ADGRF5: variants seen among roughly 807,000 people sequenced by gnomAD.
ADGRF5 encodes G-protein coupled receptor 116.
ADGRF5 carries 75 observed loss-of-function variants against 132.3 expected under a neutral mutation model. The observed-to-expected ratio is 0.57, with a 90% confidence interval of 0.47 to 0.69. The LOEUF is 0.69. ADGRF5 is among the 30% of genes least tolerant of loss of function. The pLI, the probability that ADGRF5 is intolerant of heterozygous loss-of-function variation, is 0.00. For synonymous variants in ADGRF5, 629 were observed against 597.6 expected (o/e 1.05, Z -0.77); for missense variants, 1,516 against 1,630.6 (o/e 0.93, Z 1.21).
chr6:46,939,977 G>T (rs1228515102), intron 1 of ADGRF5, among the ~76,000 whole-genome samples: 1 of 151,904 alleles, frequency 6.6e-6, no homozygotes, highest in African/African-American at 2.4e-5. Flanking sequence ...TGAATAACAG[G>T]AGTTTGAATT....
chr6:46,854,625 A>C, intron 20 of ADGRF5: 1 of 697,122 alleles, frequency 1.4e-6, no homozygotes, highest in Non-Finnish European at 2.2e-6. Flanking sequence ...GCAACTGCAC[A>C]GGCTTGTCTG....
At chr6:46,938,837 C>T (rs774637713) in intron 1 of ADGRF5, among the ~76,000 whole-genome samples, 17 of 151,810 alleles carry the variant, frequency 1.1e-4, no homozygotes, top group Non-Finnish European at 2.1e-4. Context: ...AAGCCTCTCC[C>T]CAAAACTAGC....
At chr6:46,919,481 C>G (rs367642280) in intron 1 of ADGRF5, among the ~76,000 whole-genome samples, 37 of 152,266 alleles carry the variant, frequency 2.4e-4, no homozygotes, top group African/African-American at 8.7e-4. Context: ...TAGGAGGAGA[C>G]AGATTAGCCT....
intron 15 of ADGRF5, among the ~76,000 whole-genome samples, chr6:46,861,751 TG>T (rs1769767862): frequency 1.3e-5 from 2 of 152,330 alleles, no homozygotes; most frequent in South Asian, 4.1e-4. Context: ...AAGTATATGC[TG>T]AATGGATAAA....
chr6:46,942,316 G>A (rs1778120751), intron 1 of ADGRF5, among the ~76,000 whole-genome samples: 1 of 152,226 alleles, frequency 6.6e-6, no homozygotes, highest in African/African-American at 2.4e-5. Context: ...CTAGCACTTA[G>A]CGCAGTATCT....
chr6:46,875,505 C>T (rs1282798713), intron 10 of ADGRF5, among the ~76,000 whole-genome samples: 1 of 151,990 alleles, frequency 6.6e-6, no homozygotes, highest in African/African-American at 2.4e-5. Flanking sequence ...AGAGTTGAGG[C>T]CAGGTGTAGT....
At chr6:46,871,043 T>G (rs1771004187) in intron 11 of ADGRF5, among the ~76,000 whole-genome samples, 1 of 151,174 alleles carries the variant, frequency 6.6e-6, no homozygotes, top group Non-Finnish European at 1.5e-5. Flanking sequence ...ATAAACATAA[T>G]CTTGATCTTT....
At chr6:46,950,389 T>A (rs949830682) in intron 1 of ADGRF5, among the ~76,000 whole-genome samples, 1 of 152,236 alleles carries the variant, frequency 6.6e-6, no homozygotes, top group East Asian at 1.9e-4. Context: ...CCTCATGTGC[T>A]CAAGATGTAC....
chr6:46,922,320 C>A (rs1181123147), upstream of ADGRF5, among the ~76,000 whole-genome samples: 1 of 152,170 alleles, frequency 6.6e-6, no homozygotes. Context: ...AAAAAAGAAT[C>A]CGCAGAAGAG....
chr6:46,912,499 C>G lies in ADGRF5; in HGVS notation c.-24-5713G>C, dbSNP rs762726537. On this transcript the variant is annotated intron_variant, in intron 1 of 20. Coordinates refer to ENST00000283296, the MANE Select transcript of ADGRF5 (RefSeq NM_001098518.2). ...GAGCAGGTGAAGGGTACGAGGCAGACGGGGTGAGGTGAGCAGAGGCCAGGA... is the reference window on the plus strand; with the variant it reads ...GAGCAGGTGAAGGGTACGAGGCAGAGGGGGTGAGGTGAGCAGAGGCCAGGA... Among the ~76,000 whole-genome samples the G allele has an allele frequency of 1.3e-5, 2 of 151,838 alleles. 1 individual carries two copies. The highest frequency in any genetic ancestry group is 2.9e-5 in the Non-Finnish European group (2 of 67,992).
intron 1 of ADGRF5, chr6:46,909,226 A>G (rs1483042276): frequency 6.6e-6 from 1 of 152,190 alleles, no homozygotes; most frequent in Non-Finnish European, 1.5e-5. Flanking sequence ...AATTCCCTAA[A>G]AGTTCATATT....
intron 10 of ADGRF5, among the ~76,000 whole-genome samples, chr6:46,874,908 A>G (rs1483774653): frequency 5.9e-5 from 9 of 152,226 alleles, no homozygotes; most frequent in Non-Finnish European, 5.9e-5. Context: ...TGTTACTGGC[A>G]TCTTGTAGGT....
intron 7 of ADGRF5, 44 bp from the exon 8 acceptor site, chr6:46,881,641 G>A: frequency 6.4e-7 from 1 of 1,564,172 alleles, no homozygotes; most frequent in South Asian, 1.1e-5. Flanking sequence ...AACTGACCTG[G>A]AAGAGTCTAG....
At chr6:46,910,444 G>T (rs1380386117) in intron 1 of ADGRF5, among the ~76,000 whole-genome samples, 2 of 152,074 alleles carry the variant, frequency 1.3e-5, no homozygotes, top group Non-Finnish European at 2.9e-5. Context: ...CTGTCTTACT[G>T]GGTGCTCACT....
At chr6:46,871,573 T>C (rs113611969) in intron 11 of ADGRF5, among the ~76,000 whole-genome samples, 90 of 152,260 alleles carry the variant, frequency 5.9e-4, no homozygotes, top group African/African-American at 2.0e-3. Context: ...CCACTCCACC[T>C]CCTGCATTAC....
intron 6 of ADGRF5, among the ~76,000 whole-genome samples, chr6:46,882,968 A>G (rs1309464714): frequency 2.0e-5 from 3 of 152,264 alleles, no homozygotes; most frequent in African/African-American, 4.8e-5. Flanking sequence ...TCTGTGCCAC[A>G]TCCATTGGGA....
intron 1 of ADGRF5, among the ~76,000 whole-genome samples, chr6:46,911,323 G>C (rs1468903554): frequency 6.6e-6 from 1 of 152,184 alleles, no homozygotes; most frequent in African/African-American, 2.4e-5. Flanking sequence ...TTTTTCATAA[G>C]TTAAAATAGT....
rs569228651 is a variant in ADGRF5, at chr6:46,853,008, G to C, written c.*984C>G. ...CTTGAAGCCATTAAATATATGACAG[G>C]GTCTGTCTTCAGTGCAACATATCAA... is the stretch of plus-strand genomic sequence containing the variant. On this transcript the variant is annotated 3_prime_UTR_variant, in exon 21 of 21. Coordinates refer to ENST00000283296, the MANE Select transcript of ADGRF5 (RefSeq NM_001098518.2). 5 of 152,498 alleles carry C rather than the reference G, an allele frequency of 3.3e-5. No homozygotes were observed. Among genetic ancestry groups the C allele is most frequent in the African/African-American group, 9.6e-5 (4 of 41,476 alleles). 9.4% of individuals were successfully genotyped at this position (152,498 alleles called of 1,614,324 possible). A position where few individuals can be genotyped will look rare whatever the true frequency, so the allele number is the denominator to read the frequency against.
chr6:46,873,442 T>A (rs1184305740), intron 10 of ADGRF5, among the ~76,000 whole-genome samples: 1 of 152,162 alleles, frequency 6.6e-6, no homozygotes. Context: ...CTACTTTGAC[T>A]GCAGCATCCC....
Sources: gnomAD v4.1 joint callset for allele counts (sites outside exome capture counted in the v4.1 genomes callset) on GRCh38, gnomAD v4.1.1 for gene constraint, MANE v1.5 for transcripts, NCBI Gene and HGNC (gene_info 2026-07-23, HGNC 2026-07-21) for gene names.